Variants in PGAM1 observed in about 807,000 individuals in gnomAD.
PGAM1 encodes the protein phosphoglycerate mutase 1, also known as BPG-dependent PGAM 1.
In PGAM1, 21 loss-of-function variants were observed where a neutral mutation model predicts 23.5. That is an observed-to-expected ratio of 0.89 (90% CI 0.63 to 1.29). The LOEUF is 1.29. Ranked by LOEUF, PGAM1 falls within the 50% of genes most tolerant of loss-of-function variation. PGAM1 has a pLI of 0.00. For synonymous variants in PGAM1, 109 were observed against 128.6 expected (o/e 0.85, Z 1.03); for missense variants, 232 against 336.3 (o/e 0.69, Z 2.42).
chr10:97,426,463 T>C lies in PGAM1; in HGVS notation c.139+17T>C. The C allele has an allele frequency of 6.3e-7, 1 of 1,577,178 alleles. No individual in the cohort carries two copies. The highest frequency in any genetic ancestry group is 8.6e-7 in the Non-Finnish European group (1 of 1,162,040). ...CGCTACGAGGTGCGGAGGGGCCGGG[T>C]GTGGGCTGCGAAGGGCCGGGTGTCC... is the stretch of plus-strand genomic sequence containing the variant. On this transcript the variant is annotated intron_variant, in intron 1 of 3. Coordinates refer to ENST00000334828, the MANE Select transcript of PGAM1 (RefSeq NM_002629.4).
chr10:97,429,395 T>A (rs1425237487), intron 1 of PGAM1, among the ~76,000 whole-genome samples: 1 of 152,130 alleles, frequency 6.6e-6, no homozygotes, highest in Non-Finnish European at 1.5e-5. Context: ...TGAGCCACCG[T>A]GCCGGGCCAA....
intron 3 of PGAM1, 132 bp from the exon 4 acceptor site, chr10:97,432,220 AACT>A (rs1845478045): frequency 1.1e-5 from 13 of 1,232,690 alleles, no homozygotes; most frequent in Non-Finnish European, 1.4e-5. Context: ...CTGGGTTCAG[AACT>A]ACTATAAAGA....
intron 1 of PGAM1, chr10:97,427,772 C>CAG (rs1177546389): frequency 7.8e-7 from 1 of 1,288,170 alleles, no homozygotes; most frequent in East Asian, 5.5e-5. Context: ...ATGATAGGGG[C>CAG]AGATCCTCCT....
chr10:97,427,373 A>G (rs1232552037), intron 1 of PGAM1: 3 of 1,001,486 alleles, frequency 3.0e-6, no homozygotes, highest in African/African-American at 1.7e-5. Flanking sequence ...ACGCATCTGT[A>G]GATGTAACTT....
chr10:97,429,863 TG>T (rs1845448866), intron 1 of PGAM1, among the ~76,000 whole-genome samples: 1 of 152,092 alleles, frequency 6.6e-6, no homozygotes, highest in Non-Finnish European at 1.5e-5. Flanking sequence ...CTGGGCAACA[TG>T]GTGAAACCTT....
chr10:97,427,512 A>G, intron 1 of PGAM1: 1 of 1,048,252 alleles, frequency 9.5e-7, no homozygotes, highest in Non-Finnish European at 1.2e-6. Context: ...GACTTGTCCA[A>G]GGTCATATCT....
At chr10:97,427,863 G>A (rs779605692) in intron 1 of PGAM1, 80 of 1,289,244 alleles carry the variant, frequency 6.2e-5, no homozygotes, top group Non-Finnish European at 5.9e-5. Flanking sequence ...GCCTCAGATT[G>A]CTCTCCTAGC....
At chr10:97,427,238 C>T (rs992032890) in intron 1 of PGAM1, 68 of 984,112 alleles carry the variant, frequency 6.9e-5, no homozygotes, top group Non-Finnish European at 8.1e-5. Flanking sequence ...ACACGCCACA[C>T]AGCCTCGTCC....
intron 2 of PGAM1, 71 bp downstream of exon 2, chr10:97,430,724 C>T: frequency 6.3e-7 from 1 of 1,592,828 alleles, no homozygotes; most frequent in African/African-American, 1.3e-5. Flanking sequence ...CCTAATCTCA[C>T]TGAACTTACA....
chr10:97,426,633 C>G (rs924679375), intron 1 of PGAM1, among the ~76,000 whole-genome samples, 187 bp downstream of exon 1: 2 of 152,270 alleles, frequency 1.3e-5, no homozygotes, highest in African/African-American at 4.8e-5. Flanking sequence ...CGCCGTGGAG[C>G]ATGAGGGGCT....
intron 1 of PGAM1, chr10:97,427,799 T>A: frequency 7.8e-7 from 1 of 1,289,370 alleles, no homozygotes; most frequent in Non-Finnish European, 1.0e-6. Flanking sequence ...CCTTCTAACC[T>A]CTGGACAAAG....
At position 97,430,947 on chromosome 10, in the gene PGAM1, T is replaced by C. The variant is rs369626939; in HGVS notation, c.415-8T>C. ...ATAAGTGGTGAACTTGGATTCTTTA[T>C]TGCTTAGGATCGCAGGTATGCAGAC... On this transcript the variant is annotated splice_region_variant and splice_polypyrimidine_tract_variant and intron_variant, in intron 2 of 3. Transcript: ENST00000334828. 6.2e-7 allele frequency: 1 copy of C among 1,614,000 alleles called. No individual in the cohort carries two copies. Among genetic ancestry groups the C allele is most frequent in the Admixed American group, 1.7e-5 (1 of 59,996 alleles).
At position 97,432,477 on chromosome 10, in the gene PGAM1, C is replaced by T. The variant is rs201159774; in HGVS notation, c.718C>T (p.Arg240Cys). 2.2e-5 allele frequency: 35 copies of T among 1,608,734 alleles called. No homozygotes were observed. Among genetic ancestry groups the T allele is most frequent in the Admixed American group, 1.2e-4 (7 of 59,918 alleles). ...MQFLGDEETV[R>C]KAMEAVAAQG... ...GTTTCTGGGGGATGAAGAGACGGTGCGCAAAGCCATGGAAGCTGTGGCTGC... is the reference window on the plus strand; with the variant it reads ...GTTTCTGGGGGATGAAGAGACGGTGTGCAAAGCCATGGAAGCTGTGGCTGC... Residue 240 changes from arginine (R) to cysteine (C), a missense_variant, in exon 4 of 4, where the codon CGC becomes TGC. Arg to Cys is a radical substitution (Grantham distance 180). Around this residue, in one of 3 missense-constraint regions of PGAM1, gnomAD observed 191 missense variants for 241.7 expected, o/e 0.79. Coordinates refer to ENST00000334828, the MANE Select transcript of PGAM1 (RefSeq NM_002629.4).
chr10:97,430,849 T>G (rs1268385946), intron 2 of PGAM1, 106 bp from the exon 3 acceptor site: 1 of 1,534,284 alleles, frequency 6.5e-7, no homozygotes. Flanking sequence ...ATAGTCAGAT[T>G]TTATAAAACC....
chr10:97,432,242 G>C, intron 3 of PGAM1, 113 bp from the exon 4 acceptor site: 1 of 1,376,196 alleles, frequency 7.3e-7, no homozygotes, highest in East Asian at 2.3e-5. Context: ...GATCAGAAAG[G>C]GTGTCTTATT....
chr10:97,430,435 A>G lies in PGAM1; in HGVS notation c.196A>G (p.Thr66Ala), dbSNP rs1299610145. The change falls in exon 2 of 4, where the codon ACC (threonine) becomes GCC (alanine). Residue 66 changes from threonine to alanine, a missense_variant. Coordinates refer to ENST00000334828, the MANE Select transcript of PGAM1 (RefSeq NM_002629.4). The part of the protein sequence containing the change: ...FTSVQKRAIR[T>A]LWTVLDAIDQ... ...CTCAGTGCAGAAGAGAGCGATCCGGACCCTCTGGACAGTGCTAGATGCCAT... is the reference window on the plus strand; with the variant it reads ...CTCAGTGCAGAAGAGAGCGATCCGGGCCCTCTGGACAGTGCTAGATGCCAT... 1 of 1,609,850 alleles carries G rather than the reference A, an allele frequency of 6.2e-7. No individual in the cohort carries two copies. The highest frequency in any genetic ancestry group is 1.7e-5 in the Admixed American group (1 of 60,000).
At position 97,426,459 on chromosome 10, in the gene PGAM1, C is replaced by G. The variant is rs750668363; in HGVS notation, c.139+13C>G. The G allele has an allele frequency of 5.7e-6, 9 of 1,582,450 alleles. No homozygotes were observed. The African/African-American group carries it at 1.1e-4, about 19-fold the overall frequency. ...CAGGCGCTACGAGGTGCGGAGGGGC[C>G]GGGTGTGGGCTGCGAAGGGCCGGGT... On this transcript the variant is annotated intron_variant, in intron 1 of 3. Coordinates refer to ENST00000334828, the MANE Select transcript of PGAM1 (RefSeq NM_002629.4).
chr10:97,432,226 T>C, intron 3 of PGAM1, 129 bp from the exon 4 acceptor site: 1 of 1,279,896 alleles, frequency 7.8e-7, no homozygotes, highest in Non-Finnish European at 1.1e-6. Context: ...TCAGAACTAC[T>C]ATAAAGATCA....
intron 1 of PGAM1, among the ~76,000 whole-genome samples, chr10:97,429,155 G>A (rs1424600265): frequency 7.1e-6 from 1 of 140,338 alleles, no homozygotes; most frequent in African/African-American, 2.7e-5. Context: ...CCAGACTGGA[G>A]TGCAGTGGCG....
Sources: gnomAD v4.1 joint callset for allele counts (sites outside exome capture counted in the v4.1 genomes callset) on GRCh38, gnomAD v4.1.1 for gene constraint, gnomAD v4.1.1 regional missense constraint, MANE v1.5 for transcripts, NCBI Gene and HGNC (gene_info 2026-07-23, HGNC 2026-07-21) for gene names.